HMCN2: variants seen among roughly 807,000 people sequenced by gnomAD.
HMCN2 encodes hemicentin 2.
In HMCN2, 325 loss-of-function variants were observed where a neutral mutation model predicts 377.5. That is an observed-to-expected ratio of 0.86 (90% CI 0.79 to 0.94). The LOEUF (loss-of-function observed/expected upper bound fraction) is 0.94. Among genes scored for constraint, HMCN2 ranks in the 40% least tolerant of loss-of-function variants. The pLI, the probability that HMCN2 is intolerant of heterozygous loss-of-function variation, is 0.00. For synonymous variants in HMCN2, 2,007 were observed against 2,046.8 expected (o/e 0.98, Z 0.53); for missense variants, 4,543 against 4,725.3 (o/e 0.96, Z 1.13).
intron 23 of HMCN2, 33 bp from the exon 24 acceptor site, chr9:130,341,078 C>G (rs1358051354): frequency 6.6e-6 from 1 of 152,290 alleles, no homozygotes; most frequent in African/African-American, 2.4e-5. Flanking sequence ...GCCTGGGTCC[C>G]CCAACCTTGA....
At chr9:130,379,745 A>G (rs1184456652) in intron 54 of HMCN2, among the ~76,000 whole-genome samples, 1 of 152,250 alleles carries the variant, frequency 6.6e-6, no homozygotes, top group Admixed American at 6.5e-5. Flanking sequence ...CTGCAGAGGC[A>G]GCTGGCTTCT....
At chr9:130,343,132 GC>G (rs1226918761) in intron 25 of HMCN2, among the ~76,000 whole-genome samples, 2 of 152,186 alleles carry the variant, frequency 1.3e-5, no homozygotes, top group African/African-American at 2.4e-5. Flanking sequence ...TGTGGTGGAT[GC>G]CTGGCTTCTG....
chr9:130,381,840 C>T (rs1013567890), intron 54 of HMCN2, among the ~76,000 whole-genome samples: 2 of 152,086 alleles, frequency 1.3e-5, no homozygotes, highest in African/African-American at 4.8e-5. Context: ...AGCACAACAG[C>T]AGAGCTGAGC....
chr9:130,304,666 C>G lies in HMCN2; in HGVS notation c.1544-64C>G. The G allele has an allele frequency of 2.4e-6, 1 of 413,820 alleles. No homozygotes were observed. The highest frequency in any genetic ancestry group is 5.1e-6 in the Non-Finnish European group (1 of 197,488). 25.6% of individuals were successfully genotyped at this position (413,820 alleles called of 1,614,324 possible). On this transcript the variant is annotated intron_variant, in intron 10 of 97. Transcript: ENST00000683500. The surrounding 1 kb of genome is among the most constrained non-coding windows in gnomAD (Gnocchi z 4.3). ...GGTGGGGTTCTGGGCAGCACCAGGGCTTGCACGATGACCCCCTCCCTTGCC... is the reference window on the plus strand; with the variant it reads ...GGTGGGGTTCTGGGCAGCACCAGGGGTTGCACGATGACCCCCTCCCTTGCC...
rs959839778 is a variant in HMCN2, at chr9:130,396,263, C to G, written c.11148C>G (p.Pro3716=). ...LPCQADGVPA[P]LVSWRKDRVP... is the part of the protein sequence containing the mutation. ...GCCAGGCCGACGGCGTGCCCGCACC[C>G]CTCGTGAGCTGGCGGAAGGACAGGG... Residue 3716 remains proline (P), a synonymous_variant, in exon 73 of 98, where the codon CCC becomes CCG. Coordinates refer to ENST00000683500, the MANE Select transcript of HMCN2 (RefSeq NM_001291815.2). The G allele has an allele frequency of 4.0e-5, 51 of 1,285,286 alleles. No homozygotes were observed. The highest frequency in any genetic ancestry group is 2.1e-4 in the Middle Eastern group (1 of 4,706). The allele number at this position is 1,285,286 out of a possible 1,614,324, so 79.6% of individuals were successfully genotyped here. A position where few individuals can be genotyped will look rare whatever the true frequency, so the allele number is the denominator to read the frequency against.
intron 7 of HMCN2, among the ~76,000 whole-genome samples, chr9:130,298,450 A>G (rs990477940): frequency 1.1e-4 from 16 of 152,222 alleles, no homozygotes; most frequent in South Asian, 2.1e-4. Flanking sequence ...CTTGAGCCCA[A>G]GAGTTTGAGG....
rs1157491599 is a variant in HMCN2, at chr9:130,362,963, C to T, written c.6205C>T (p.Arg2069Cys). The stretch of plus-strand genomic sequence containing the variant: ...GGCTGTGAGCGCGGTGGGCGAGGAC[C>T]GCCAGGATGTTGTCCTGCAAGTCCA... ...CVAVSAVGED[R>C]QDVVLQVHMP... is the part of the protein sequence containing the mutation. The change falls in exon 40 of 98, where the codon CGC becomes TGC. Residue 2069 changes from arginine (R) to cysteine (C), a missense_variant. Arg to Cys is a radical substitution (Grantham distance 180, BLOSUM62 -3). This residue lies in a region of HMCN2 where 1,032 missense variants were observed against 1,285.1 expected (regional missense o/e 0.80). Coordinates refer to ENST00000683500, the MANE Select transcript of HMCN2 (RefSeq NM_001291815.2). 4 of 985,834 alleles carry T rather than the reference C, an allele frequency of 4.1e-6. No homozygotes were observed. Among genetic ancestry groups the T allele is most frequent in the East Asian group, 1.1e-4 (1 of 8,816 alleles). The allele number at this position is 985,834 out of a possible 1,614,324, so 61.1% of individuals were successfully genotyped here.
At chr9:130,284,226 T>C (rs1445497085) in intron 1 of HMCN2, among the ~76,000 whole-genome samples, 8 of 152,210 alleles carry the variant, frequency 5.3e-5, no homozygotes, top group Non-Finnish European at 1.2e-4. Flanking sequence ...GCTTCTTGTT[T>C]CTTTGTCTTC....
chr9:130,307,883 G>T (rs1836972365), intron 14 of HMCN2, among the ~76,000 whole-genome samples: 1 of 152,178 alleles, frequency 6.6e-6, no homozygotes, highest in African/African-American at 2.4e-5. Context: ...GAAAATCAAA[G>T]ATAGGTTGGT....
chr9:130,414,281 C>T lies in HMCN2; in HGVS notation c.12961+3629C>T, dbSNP rs373805720. Among the ~76,000 whole-genome samples, 6 of 152,152 alleles carry T rather than the reference C, an allele frequency of 3.9e-5. No homozygotes were observed. Among genetic ancestry groups the T allele is most frequent in the African/African-American group, 7.2e-5 (3 of 41,430 alleles). On this transcript the variant is annotated intron_variant, in intron 85 of 97. Transcript: ENST00000683500. The surrounding 1 kb of genome is among the most constrained non-coding windows in gnomAD (Gnocchi z 4.4). ...AGCGAGGGTAGTGCCAGCAGAGGCC[C>T]GGTGTGGGCGTGCCTCCACCCATCC... is the stretch of plus-strand genomic sequence containing the variant.
intron 60 of HMCN2, among the ~76,000 whole-genome samples, chr9:130,386,186 G>T (rs762648979): frequency 1.2e-4 from 19 of 152,284 alleles, no homozygotes; most frequent in Admixed American, 1.1e-3. Flanking sequence ...CCACAGCAAG[G>T]GGGACCTCTT....
In HMCN2 at chr9:130,304,624, GTGGGCC is replaced by G. The variant is rs1212325954; in HGVS notation, c.1544-103_1544-98del. ...ACATGTCCTGAATGATCTGGTTCGGGTGGGCCTGCACCTCAGGGTGGGGTTCTGGGC... is the reference window on the plus strand; with the variant it reads ...ACATGTCCTGAATGATCTGGTTCGGGTGCACCTCAGGGTGGGGTTCTGGGC... On this transcript the variant is annotated intron_variant, in intron 10 of 97. Coordinates refer to ENST00000683500, the MANE Select transcript of HMCN2 (RefSeq NM_001291815.2). This position sits in a 1 kb window ranked among gnomAD's most constrained non-coding sequence, Gnocchi z 4.3. 1 of 374,300 alleles carries G rather than the reference GTGGGCC, an allele frequency of 2.7e-6. No individual in the cohort carries two copies. Among genetic ancestry groups the G allele is most frequent in the African/African-American group, 2.1e-5 (1 of 47,852 alleles). The allele number at this position is 374,300 out of a possible 1,614,324, so 23.2% of individuals were successfully genotyped here.
chr9:130,278,922 G>A lies in HMCN2; in HGVS notation c.260-5681G>A, dbSNP rs550613265. 3.5e-5 allele frequency among the ~76,000 whole-genome samples: 5 copies of A among 141,334 alleles called. No individual in the cohort carries two copies. The South Asian group carries it at 1.1e-3, about 31-fold the overall frequency. 92.7% of individuals were successfully genotyped at this position (141,334 alleles called of 152,430 possible). Reference sequence around the variant, plus strand: ...TTTTCTTTTTTTTTTTTTTTGAGACGGAGTCTCACTCTGTTGCTCAGGCTG... The same window carrying A: ...TTTTCTTTTTTTTTTTTTTTGAGACAGAGTCTCACTCTGTTGCTCAGGCTG... On this transcript the variant is annotated intron_variant, in intron 1 of 97. Coordinates refer to ENST00000683500, the MANE Select transcript of HMCN2 (RefSeq NM_001291815.2).
At chr9:130,367,013 A>C (rs1359013918) in intron 43 of HMCN2, among the ~76,000 whole-genome samples, 1 of 152,134 alleles carries the variant, frequency 6.6e-6, no homozygotes, top group Non-Finnish European at 1.5e-5. Context: ...CGGACTTGAA[A>C]AGCTAAGGGC....
chr9:130,386,215 G>A (rs1403988718), intron 60 of HMCN2, among the ~76,000 whole-genome samples: 1 of 152,198 alleles, frequency 6.6e-6, no homozygotes, highest in Non-Finnish European at 1.5e-5. Flanking sequence ...CTTGGCCCAG[G>A]GAGGGAGGTC....
chr9:130,315,980 G>A (rs1837542034), intron 15 of HMCN2, among the ~76,000 whole-genome samples: 1 of 152,178 alleles, frequency 6.6e-6, no homozygotes, highest in Non-Finnish European at 1.5e-5. Context: ...TTCAACATAT[G>A]GGTTTGTGGG....
At chr9:130,267,740 G>A (rs116327373) in intron 1 of HMCN2, among the ~76,000 whole-genome samples, 2,073 of 152,348 alleles carry the variant, frequency 0.014, 48 homozygotes, top group African/African-American at 0.047. Context: ...GCAGCTCAAA[G>A]CTCAGAAGCC....
chr9:130,269,866 A>AGTGGC (rs1461547920), intron 1 of HMCN2, among the ~76,000 whole-genome samples: 1 of 147,690 alleles, frequency 6.8e-6, no homozygotes, highest in African/African-American at 2.4e-5. Flanking sequence ...GCTGGAGTGC[A>AGTGGC]GTGGCGTGAT....
Position 130,384,798 on chromosome 9 carries a change from G to T in HMCN2, c.9106G>T (p.Val3036Phe), listed in dbSNP as rs1588363104. Residue 3036 changes from valine (V) to phenylalanine (F), a missense_variant and splice_region_variant, in exon 59 of 98, where the codon GTT becomes TTT. By Grantham distance (50) the Val-to-Phe change is conservative. Coordinates refer to ENST00000683500, the MANE Select transcript of HMCN2 (RefSeq NM_001291815.2). The part of the protein sequence containing the change: ...DQKLVQLSVL[V>F]PPAFRQAPRG... ...GAAGCTGGTGCAGCTCAGTGTTCTGGGTATGTCCATGTCTGTCCCCAACTT... is the reference window on the plus strand; with the variant it reads ...GAAGCTGGTGCAGCTCAGTGTTCTGTGTATGTCCATGTCTGTCCCCAACTT... 7.7e-7 allele frequency: 1 copy of T among 1,302,580 alleles called. No individual in the cohort carries two copies. The allele number at this position is 1,302,580 out of a possible 1,614,324, so 80.7% of individuals were successfully genotyped here.
Sources: allele counts gnomAD v4.1 joint callset (sites outside exome capture counted in the v4.1 genomes callset), GRCh38; gene constraint gnomAD v4.1.1; regional missense constraint gnomAD v4.1.1; non-coding constraint Gnocchi (gnomAD v3.1); transcripts MANE v1.5; gene names NCBI Gene and HGNC (gene_info 2026-07-23, HGNC 2026-07-21).